The following PAN3 variants were observed in gnomAD, a reference collection of about 807,000 sequenced individuals.
PAN3 encodes PAN2-PAN3 deadenylation complex subunit PAN3.
In PAN3, 19 loss-of-function variants were observed where a neutral mutation model predicts 96.2. The ratio of observed to expected loss-of-function variants is 0.20; its 90% confidence interval spans 0.14 to 0.29. The LOEUF is 0.29. PAN3 is among the 10% of genes least tolerant of loss of function. The pLI is 1.00. For missense variants in PAN3, 882 were observed against 1,108.1 expected (o/e 0.80, Z 2.90); for synonymous variants, 433 against 406.6 (o/e 1.06, Z -0.78).
At chr13:28,285,740 A>G (rs761024894) in intron 17 of PAN3, among the ~76,000 whole-genome samples, 1 of 152,108 alleles carries the variant, frequency 6.6e-6, no homozygotes, top group Non-Finnish European at 1.5e-5. Flanking sequence ...TTTTTCTAAA[A>G]TTAAAGTTTT....
At chr13:28,166,464 G>A (rs960449660) in intron 1 of PAN3, among the ~76,000 whole-genome samples, 14 of 152,134 alleles carry the variant, frequency 9.2e-5, no homozygotes, top group African/African-American at 3.4e-4. Context: ...GCTTTATCTG[G>A]GGCAACCCTT....
intron 17 of PAN3, among the ~76,000 whole-genome samples, chr13:28,282,067 C>T (rs186803361): frequency 3.3e-4 from 50 of 152,278 alleles, no homozygotes; most frequent in Middle Eastern, 6.8e-3. Flanking sequence ...TGAGCCACCA[C>T]GCCTGGCCTA....
chr13:28,216,984 G>T (rs1270029126), intron 5 of PAN3, among the ~76,000 whole-genome samples: 3 of 151,614 alleles, frequency 2.0e-5, no homozygotes, highest in Non-Finnish European at 4.4e-5. Context: ...TGCGGTGGCG[G>T]GCGCCTGTAA....
intron 4 of PAN3, among the ~76,000 whole-genome samples, chr13:28,193,480 G>C (rs1235146418): frequency 6.6e-6 from 1 of 151,986 alleles, no homozygotes; most frequent in African/African-American, 2.4e-5. Flanking sequence ...CGTGGTTCAC[G>C]CCTGTAATCC....
At chr13:28,282,434 A>C (rs945994014) in intron 17 of PAN3, among the ~76,000 whole-genome samples, 1 of 152,130 alleles carries the variant, frequency 6.6e-6, no homozygotes, top group African/African-American at 2.4e-5. Context: ...TTCTAAGTGA[A>C]GAGAACATAA....
At chr13:28,272,163 A>C in intron 14 of PAN3, 92 bp downstream of exon 14, 1 of 858,828 alleles carries the variant, frequency 1.2e-6, no homozygotes, top group Non-Finnish European at 1.7e-6. Context: ...TTAAGCCTAG[A>C]TTTTAATTTA....
intron 4 of PAN3, among the ~76,000 whole-genome samples, chr13:28,195,794 C>T (rs558727207): frequency 4.9e-4 from 74 of 152,236 alleles, no homozygotes; most frequent in African/African-American, 1.7e-3. Context: ...CCTCGGCTTC[C>T]CAAAGTGCTG....
chr13:28,272,226 C>T, intron 14 of PAN3, 155 bp downstream of exon 14: 1 of 458,276 alleles, frequency 2.2e-6, no homozygotes, highest in East Asian at 3.6e-5. Context: ...CCTCCCCTCC[C>T]TCTCTTTTCT....
chr13:28,169,221 G>GTTTTTTTT (rs1491548778), intron 1 of PAN3, among the ~76,000 whole-genome samples: 1 of 108,594 alleles, frequency 9.2e-6, no homozygotes. Context: ...TTTTTTGTTT[G>GTTTTTTTT]CTTTTTTTTT....
Position 28,292,598 on chromosome 13 carries a change from A to G in PAN3, c.*76A>G, listed in dbSNP as rs117362735. The G allele has an allele frequency of 4.3e-6, 6 of 1,401,092 alleles. No homozygotes were observed. The highest frequency in any genetic ancestry group is 5.7e-6 in the Non-Finnish European group (6 of 1,048,592). 86.8% of individuals were successfully genotyped at this position (1,401,092 alleles called of 1,614,324 possible). ...AAATTGCACTACAGCTGAACTTTTCATCATCTCATTCACATTTGGGAAACG... is the reference window on the plus strand; with the variant it reads ...AAATTGCACTACAGCTGAACTTTTCGTCATCTCATTCACATTTGGGAAACG... On this transcript the variant is annotated 3_prime_UTR_variant, in exon 19 of 19. Transcript: ENST00000380958.
At chr13:28,252,634 T>C (rs1361370295) in intron 6 of PAN3, among the ~76,000 whole-genome samples, 1 of 152,164 alleles carries the variant, frequency 6.6e-6, no homozygotes, top group Admixed American at 6.5e-5. Flanking sequence ...AGAATCATTT[T>C]TCAAATGCCC....
rs375699302 is a variant in PAN3 at position 28,138,928 on chromosome 13, G to T, written c.271G>T (p.Ala91Ser). 446 of 1,358,678 alleles carry T rather than the reference G, an allele frequency of 3.3e-4. 1 individual carries two copies. The highest frequency in any genetic ancestry group is 4.0e-4 in the Non-Finnish European group (418 of 1,057,962). The allele number at this position is 1,358,678 out of a possible 1,614,324, so 84.2% of individuals were successfully genotyped here. A position where few individuals can be genotyped will look rare whatever the true frequency, so the allele number is the denominator to read the frequency against. ...LHSNSVPLAL[A>S]GAPVAGFPPG... ...TAGCAACAGCGTCCCCCTGGCTCTG[G>T]CTGGTGCACCCGTGGCCGGCTTTCC... is the stretch of plus-strand genomic sequence containing the variant. Residue 91 changes from alanine (A) to serine (S), a missense_variant, in exon 1 of 19, where the codon GCT (alanine) becomes TCT (serine). Ala to Ser is a moderately conservative substitution (Grantham distance 99, BLOSUM62 1). Transcript: ENST00000380958.
At chr13:28,187,559 A>C (rs189330026) in intron 4 of PAN3, among the ~76,000 whole-genome samples, 1 of 152,302 alleles carries the variant, frequency 6.6e-6, no homozygotes, top group African/African-American at 2.4e-5. Context: ...GATTTTAAGA[A>C]CATAAGTAAA....
Position 28,249,751 on chromosome 13 carries a change from A to T in PAN3, c.1001-6541A>T, listed in dbSNP as rs954759425. Among the ~76,000 whole-genome samples, 4 of 152,104 alleles carry T rather than the reference A, an allele frequency of 2.6e-5. No individual in the cohort carries two copies. The East Asian group carries it at 7.7e-4, about 29-fold the overall frequency. On this transcript the variant is annotated intron_variant, in intron 6 of 18. Transcript: ENST00000380958. ...AGGCGTGAGCCACCGCGCCCGGCCA[A>T]TAAGAATTTTTAATGACTTTGAGCC...
chr13:28,151,867 G>A, intron 1 of PAN3, among the ~76,000 whole-genome samples: 1 of 152,128 alleles, frequency 6.6e-6, no homozygotes, highest in Admixed American at 6.6e-5. Context: ...CATTCAAGTG[G>A]AGATTTTGAG....
At position 28,172,506 on chromosome 13, in the gene PAN3, T is replaced by C. The variant is rs1874439413; in HGVS notation, c.431-1766T>C. Among the ~76,000 whole-genome samples the C allele has an allele frequency of 1.3e-5, 2 of 152,174 alleles. 1 individual carries two copies. Among genetic ancestry groups the C allele is most frequent in the African/African-American group, 4.8e-5 (2 of 41,446 alleles). ...TATCATTTTCTATAACAGTTTATTA[T>C]GGAAAATTTTAAACTTTGATAAAAG... On this transcript the variant is annotated intron_variant, in intron 1 of 18. Transcript: ENST00000380958.
intron 6 of PAN3, among the ~76,000 whole-genome samples, chr13:28,253,981 A>G (rs1174749466): frequency 6.6e-6 from 1 of 152,138 alleles, no homozygotes; most frequent in Non-Finnish European, 1.5e-5. Flanking sequence ...CCACGTACTC[A>G]GCCTTGAAGA....
chr13:28,223,517 G>A (rs1163291411), intron 6 of PAN3, among the ~76,000 whole-genome samples: 1 of 151,640 alleles, frequency 6.6e-6, no homozygotes, highest in Non-Finnish European at 1.5e-5. Context: ...TTCTCTCAGA[G>A]GTTCACAGCC....
chr13:28,156,520 A>G (rs983234155), intron 1 of PAN3, among the ~76,000 whole-genome samples: 1 of 152,226 alleles, frequency 6.6e-6, no homozygotes, highest in Non-Finnish European at 1.5e-5. Flanking sequence ...AAACTATTCA[A>G]AAAAATGGAA....
Sources: gnomAD v4.1 joint callset for allele counts (sites outside exome capture counted in the v4.1 genomes callset) on GRCh38, gnomAD v4.1.1 for gene constraint, MANE v1.5 for transcripts, NCBI Gene and HGNC (gene_info 2026-07-23, HGNC 2026-07-21) for gene names.